The following HELZ2 variants were observed in gnomAD, a reference collection of about 807,000 sequenced individuals.
The protein encoded by HELZ2 is 3'-5' exoribonuclease HELZ2.
A neutral mutation model predicts 208.8 loss-of-function variants in HELZ2; 143 were observed. That is an observed-to-expected ratio of 0.68 (90% confidence interval 0.60 to 0.79). HELZ2 has a LOEUF of 0.79. Ranked by LOEUF, HELZ2 falls within the 30% of genes least tolerant of loss-of-function variation. The probability of loss-of-function intolerance (pLI) is 0.00; values close to 1 mark genes in which losing one functional copy is unlikely to be tolerated. For missense variants in HELZ2, 3,690 were observed against 3,794.5 expected (o/e 0.97, Z 0.72); for synonymous variants, 1,705 against 1,693.7 (o/e 1.01, Z -0.16).
intron 18 of HELZ2, 35 bp downstream of exon 19, chr20:63,559,893 G>T (rs779072840): frequency 1.2e-6 from 2 of 1,600,692 alleles, no homozygotes; most frequent in East Asian, 2.2e-5. Flanking sequence ...CCTCACCTGT[G>T]TTCCCACCCT....
exon 1 of HELZ2, chr20:63,572,170 C>T: frequency 6.2e-7 from 1 of 1,610,870 alleles, no homozygotes; most frequent in Non-Finnish European, 8.5e-7. Flanking sequence ...AGGGCAGGGC[C>T]TGGTCGAAGG....
chr20:63,569,750 C>T, intron 3 of HELZ2, 85 bp from the exon 5 acceptor site: 2 of 1,360,148 alleles, frequency 1.5e-6, no homozygotes, highest in Non-Finnish European at 1.9e-6. Flanking sequence ...AGCCCAAGTG[C>T]AGGGTTCAGG....
At chr20:63,562,673 T>C in exon 8 of HELZ2, 1 of 1,598,388 alleles carries the variant, frequency 6.3e-7, no homozygotes, top group Non-Finnish European at 8.5e-7. Flanking sequence ...CTGGTCCCAG[T>C]CCTGCGTCTG....
At chr20:63,566,320 C>T (rs1600978430) in intron 7 of HELZ2, 58 bp downstream of exon 8, 5 of 1,524,822 alleles carry the variant, frequency 3.3e-6, no homozygotes, top group East Asian at 2.4e-5. Flanking sequence ...AGGAGTGGGC[C>T]GAGCCACCCG....
At position 63,569,524 on chromosome 20, in the gene HELZ2, C is replaced by A. The variant is rs1313823267; in HGVS notation, c.712G>T (p.Gly238Ter). 6.2e-7 allele frequency: 1 copy of A among 1,609,824 alleles called. No individual in the cohort carries two copies. The highest frequency in any genetic ancestry group is 1.3e-5 in the African/African-American group (1 of 75,014). Reference sequence around the variant, plus strand: ...AACGAGGCAGCCTGCACACGCACTCCCACCTGGAAGTCGGCAGTGGAGCTG... The same window carrying A: ...AACGAGGCAGCCTGCACACGCACTCACACCTGGAAGTCGGCAGTGGAGCTG... Residue 238 changes from glycine to a stop codon, truncating the protein, a stop_gained, in exon 4 of 19, where the codon GGA becomes TGA. Transcript: ENST00000467148. LOFTEE classifies it high-confidence loss of function.
exon 1 of HELZ2, chr20:63,572,155 C>A: frequency 6.2e-7 from 1 of 1,611,566 alleles, no homozygotes. Flanking sequence ...GGGAACGGTG[C>A]TCCCAGGGCA....
At chr20:63,565,846 C>T in exon 8 of HELZ2, 1 of 1,598,674 alleles carries the variant, frequency 6.3e-7, no homozygotes, top group East Asian at 2.2e-5. Flanking sequence ...CCATGGCCGT[C>T]ACCACAGCCG....
exon 1 of HELZ2, chr20:63,572,142 G>A (rs868302476): frequency 1.9e-6 from 3 of 1,611,568 alleles, no homozygotes; most frequent in South Asian, 2.2e-5. Flanking sequence ...AGTCCCGGGG[G>A]TGGGGAACGG....
Position 63,563,459 on chromosome 20 carries a change from C to A in HELZ2, c.5363G>T (p.Arg1788Leu), listed in dbSNP as rs770323858. 3.9e-6 allele frequency: 6 copies of A among 1,524,234 alleles called. No individual in the cohort carries two copies. The East Asian group carries it at 1.5e-4, about 37-fold the overall frequency. 94.4% of individuals were successfully genotyped at this position (1,524,234 alleles called of 1,614,324 possible). ...CCGCCACAGGAGCCGCAGGCCCGGCCGGCCTGCCAGGGCGTGGGGGTGCTC... is the reference window on the plus strand; with the variant it reads ...CCGCCACAGGAGCCGCAGGCCCGGCAGGCCTGCCAGGGCGTGGGGGTGCTC... Residue 1788 changes from arginine to leucine, a missense_variant, in exon 8 of 19, where the codon CGG (arginine) becomes CTG (leucine). By Grantham distance (102) the Arg-to-Leu change is moderately radical (BLOSUM62 -2). This residue lies in a region of HELZ2 where 2,564 missense variants were observed against 2,580.5 expected (regional missense o/e 0.99). Coordinates refer to ENST00000467148, the Ensembl canonical transcript of HELZ2.
At chr20:63,572,281 G>A (rs1327411065) in exon 1 of HELZ2, 4 of 1,586,870 alleles carry the variant, frequency 2.5e-6, no homozygotes, top group Non-Finnish European at 3.4e-6. Context: ...GGGCCCCAGG[G>A]GGCTGGCCAA....
At chr20:63,566,071 G>A (rs1346990544) in exon 8 of HELZ2, 1 of 1,587,808 alleles carries the variant, frequency 6.3e-7, no homozygotes, top group Non-Finnish European at 8.5e-7. Context: ...AGGAGCAGAG[G>A]GCCACGGCGT....
chr20:63,568,654 G>A (rs1244404442), exon 5 of HELZ2: 1 of 1,604,882 alleles, frequency 6.2e-7, no homozygotes, highest in Non-Finnish European at 8.5e-7. Flanking sequence ...GCCAGAGGCG[G>A]AAGGTCATCG....
chr20:63,560,519 T>C, exon 16 of HELZ2: 5 of 1,594,314 alleles, frequency 3.1e-6, no homozygotes, highest in Non-Finnish European at 4.3e-6. Context: ...GGAGTTCTCA[T>C]TCCCTTCGTC....
chr20:63,568,635 C>T, exon 5 of HELZ2: 1 of 1,603,670 alleles, frequency 6.2e-7, no homozygotes, highest in Non-Finnish European at 8.5e-7. Flanking sequence ...AGTGTGTCCA[C>T]TGCCTGGTGC....
At chr20:63,566,253 G>T in intron 7 of HELZ2, 22 bp from the exon 9 acceptor site, 1 of 1,489,386 alleles carries the variant, frequency 6.7e-7, no homozygotes, top group Non-Finnish European at 9.0e-7. Context: ...ACGCAGTCAG[G>T]TCAGGCTGGG....
At chr20:63,562,699 G>C (rs1012409174) in exon 8 of HELZ2, 7 of 1,599,974 alleles carry the variant, frequency 4.4e-6, no homozygotes, top group African/African-American at 1.3e-5. Flanking sequence ...GGGCCACCCA[G>C]GTATACGTGC....
exon 8 of HELZ2, chr20:63,563,816 G>A (rs1296283970): frequency 4.4e-6 from 7 of 1,600,706 alleles, no homozygotes; most frequent in South Asian, 2.2e-5. Context: ...GGTGGCCCAC[G>A]TGTACCAGTC....
exon 8 of HELZ2, chr20:63,566,068 G>C (rs749753822): frequency 1.3e-6 from 2 of 1,588,292 alleles, no homozygotes; most frequent in Non-Finnish European, 1.7e-6. Flanking sequence ...CGAAGGAGCA[G>C]AGGGCCACGG....
chr20:63,567,272 G>A, exon 6 of HELZ2: 1 of 1,608,754 alleles, frequency 6.2e-7, no homozygotes, highest in South Asian at 1.1e-5. Context: ...ACCTGCATGT[G>A]GTCGCCCGCC....
Sources: allele counts gnomAD v4.1 joint callset, GRCh38; gene constraint gnomAD v4.1.1; regional missense constraint gnomAD v4.1.1; transcripts MANE v1.5; gene names NCBI Gene and HGNC (gene_info 2026-07-23, HGNC 2026-07-21).